The following MDN1 variants were observed in gnomAD, a reference collection of about 807,000 sequenced individuals.
The protein encoded by MDN1 is midasin.
A neutral mutation model predicts 669.2 loss-of-function variants in MDN1; 266 were observed. The observed-to-expected ratio is 0.40, with a 90% confidence interval of 0.36 to 0.44. MDN1 has a LOEUF of 0.44. Ranked by LOEUF, MDN1 falls within the 20% of genes least tolerant of loss-of-function variation. MDN1 has a pLI of 1.00. For missense variants in MDN1, 5,940 were observed against 6,754.0 expected, an observed-to-expected ratio of 0.88 and a Z score of 4.22; for synonymous variants, 2,385 against 2,457.1, an observed-to-expected ratio of 0.97 and a Z score of 0.87.
rs1584251769 is a variant in MDN1, at chr6:89,714,525, A to C, written c.7069+18T>G. The C allele has an allele frequency of 6.4e-7, 1 of 1,565,552 alleles. No homozygotes were observed. On this transcript the variant is annotated intron_variant, in intron 46 of 101. Coordinates refer to ENST00000369393, the MANE Select transcript of MDN1 (RefSeq NM_014611.3). ...GAAGACTAAAACTCTGCAAAGGCCCAAAAGTCAAGCACCTCACCTACAACA... is the reference window on the plus strand; with the variant it reads ...GAAGACTAAAACTCTGCAAAGGCCCCAAAGTCAAGCACCTCACCTACAACA...
chr6:89,677,843 C>A, intron 75 of MDN1, 147 bp from the exon 76 acceptor site: 1 of 993,270 alleles, frequency 1.0e-6, no homozygotes, highest in East Asian at 2.6e-5. Context: ...TGCACCCACA[C>A]CAACTGAAAC....
chr6:89,693,117 T>C lies in MDN1; in HGVS notation c.9913A>G (p.Asn3305Asp), dbSNP rs1335183431. 1 of 1,605,076 alleles carries C rather than the reference T, an allele frequency of 6.2e-7. No individual in the cohort carries two copies. Among genetic ancestry groups the C allele is most frequent in the African/African-American group, 1.3e-5 (1 of 74,500 alleles). Reference protein sequence around the residue: ...LLRQRMDRLDNLTCHLLKKQA... With the variant: ...LLRQRMDRLDDLTCHLLKKQA... ...TTCTTCAACAGGTGACAGGTTAAAT[T>C]ATCCAGCCGATCCATCCTTTGGCGA... Residue 3305 changes from asparagine to aspartate, a missense_variant, in exon 63 of 102, where the codon AAT (asparagine) becomes GAT (aspartate). Physicochemically the swap from Asn to Asp is conservative, Grantham distance 23. Coordinates refer to ENST00000369393, the MANE Select transcript of MDN1 (RefSeq NM_014611.3).
In MDN1 at chr6:89,676,211, GA is replaced by G. The variant is rs1334698792; in HGVS notation, c.12540-5del. 38 of 1,613,228 alleles carry G rather than the reference GA, an allele frequency of 2.4e-5. No individual in the cohort carries two copies. The highest frequency in any genetic ancestry group is 3.2e-5 in the Non-Finnish European group (38 of 1,179,254). On this transcript the variant is annotated splice_polypyrimidine_tract_variant and splice_region_variant and intron_variant, in intron 76 of 101. Transcript: ENST00000369393. Reference sequence around the variant, plus strand: ...AGACGAGATTTCTGTAAGCAGCCTGGAAAAGATATCAACATTGTTTACTTAA... The same window carrying G: ...AGACGAGATTTCTGTAAGCAGCCTGGAAAGATATCAACATTGTTTACTTAA...
At chr6:89,757,028 CT>C (rs1179648695) in intron 19 of MDN1, among the ~76,000 whole-genome samples, 6 of 152,036 alleles carry the variant, frequency 3.9e-5, no homozygotes. Flanking sequence ...AACAAGCCCC[CT>C]CATCATCAAA....
intron 64 of MDN1, among the ~76,000 whole-genome samples, 186 bp downstream of exon 64, chr6:89,690,487 G>GT (rs1346426953): frequency 6.6e-6 from 1 of 152,130 alleles, no homozygotes; most frequent in Admixed American, 6.5e-5. Context: ...GAGCCCAGGA[G>GT]TTTGAGGCTG....
chr6:89,693,473 A>C (rs1042379157), intron 62 of MDN1, among the ~76,000 whole-genome samples: 1 of 152,180 alleles, frequency 6.6e-6, no homozygotes, highest in Non-Finnish European at 1.5e-5. Flanking sequence ...TGATCTACCC[A>C]ATGTCTAAAA....
chr6:89,688,724 G>T lies in MDN1; in HGVS notation c.11108C>A (p.Ser3703Ter). Residue 3703 changes from serine (S) to a stop codon, truncating the protein, a stop_gained, in exon 66 of 102, where the codon TCA becomes TAA. Coordinates refer to ENST00000369393, the MANE Select transcript of MDN1 (RefSeq NM_014611.3). LOFTEE classifies it high-confidence loss of function. ...SHNTLFGEAP[S>*]DLMVKPDGPY... ...CCCATCAGGTTTCACCATCAGGTCT[G>T]AGGGTGCCTCCCCAAAAAGAGTGTT... 1 of 1,614,228 alleles carries T rather than the reference G, an allele frequency of 6.2e-7. No homozygotes were observed. Among genetic ancestry groups the T allele is most frequent in the Non-Finnish European group, 8.5e-7 (1 of 1,180,044 alleles).
chr6:89,819,220 G>A (rs555280620), intron 1 of MDN1, among the ~76,000 whole-genome samples: 101 of 152,308 alleles, frequency 6.6e-4, no homozygotes, highest in African/African-American at 2.3e-3. Context: ...ATTCCTTTGG[G>A]AAGGCCACCT....
chr6:89,726,602 G>A (rs968350773), intron 37 of MDN1, among the ~76,000 whole-genome samples: 59 of 151,864 alleles, frequency 3.9e-4, no homozygotes, highest in African/African-American at 1.3e-3. Context: ...AATCTCCAAC[G>A]GGTTTCAAAG....
At chr6:89,709,520 GC>G (rs1813741679) in intron 50 of MDN1, among the ~76,000 whole-genome samples, 1 of 152,212 alleles carries the variant, frequency 6.6e-6, no homozygotes, top group Non-Finnish European at 1.5e-5. Context: ...GGAAAGCCAT[GC>G]CTTAGTTCAG....
chr6:89,646,335 T>C (rs1808489268), intron 100 of MDN1, among the ~76,000 whole-genome samples: 1 of 152,210 alleles, frequency 6.6e-6, no homozygotes, highest in African/African-American at 2.4e-5. Context: ...CCCCCATTGA[T>C]TATAAGCCTC....
chr6:89,700,955 A>T (rs1477754499), intron 55 of MDN1, 99 bp from the exon 56 acceptor site: 3 of 1,021,318 alleles, frequency 2.9e-6, no homozygotes, highest in South Asian at 3.4e-5. Context: ...ATATATTCTT[A>T]ATGTTTCCAG....
At chr6:89,745,209 G>A in intron 29 of MDN1, 64 bp downstream of exon 29, 2 of 1,455,920 alleles carry the variant, frequency 1.4e-6, no homozygotes, top group Non-Finnish European at 1.9e-6. Flanking sequence ...GTTCTTCAGT[G>A]ATAACTCAAG....
intron 1 of MDN1, among the ~76,000 whole-genome samples, chr6:89,803,895 CTTTTTTTTT>C (rs56246331): frequency 3.9e-5 from 3 of 76,414 alleles, no homozygotes; most frequent in African/African-American, 5.3e-5. Context: ...CTTTTCTTTT[CTTTTTTTTT>C]TTTTTTTTTT....
At chr6:89,700,973 A>G (rs1562110784) in intron 55 of MDN1, 117 bp from the exon 56 acceptor site, 5 of 910,200 alleles carry the variant, frequency 5.5e-6, no homozygotes, top group Non-Finnish European at 6.6e-6. Flanking sequence ...CAGAAAACAA[A>G]GGACTTGTTT....
Position 89,718,350 on chromosome 6 carries a change from A to C in MDN1, c.6583+16T>G, listed in dbSNP as rs370289070. On this transcript the variant is annotated intron_variant, in intron 43 of 101. Transcript: ENST00000369393. ...GCAATGGTAAGTTCCTGATACAGAG[A>C]TCCAAATATACATACCTGCCTTGCA... is the stretch of plus-strand genomic sequence containing the variant. The C allele has an allele frequency of 5.6e-6, 9 of 1,609,652 alleles. No homozygotes were observed. Among genetic ancestry groups the C allele is most frequent in the Non-Finnish European group, 7.6e-6 (9 of 1,177,782 alleles).
At position 89,700,197 on chromosome 6, in the gene MDN1, G is replaced by A; in HGVS notation, c.8736C>T (p.Ser2912=). 1 of 1,614,180 alleles carries A rather than the reference G, an allele frequency of 6.2e-7. No individual in the cohort carries two copies. Among genetic ancestry groups the A allele is most frequent in the Non-Finnish European group, 8.5e-7 (1 of 1,180,034 alleles). ...CGGAGGTCAAGTCTGGATGGGACAG[G>A]GAGGAAGCTTCATCATGCTTTTTCT... ...FLEKKHDEAS[S]LSHPDLTSVI... The change falls in exon 57 of 102, where the codon TCC becomes TCT. Residue 2912 remains serine, a synonymous_variant. Transcript: ENST00000369393.
chr6:89,680,152 C>A (rs553044227), intron 74 of MDN1, among the ~76,000 whole-genome samples: 116 of 152,246 alleles, frequency 7.6e-4, no homozygotes, highest in African/African-American at 2.7e-3. Flanking sequence ...TCGCTCTCAC[C>A]TTCCCTGAGC....
chr6:89,754,524 G>T (rs917930902), intron 20 of MDN1, among the ~76,000 whole-genome samples: 3 of 152,202 alleles, frequency 2.0e-5, no homozygotes, highest in Non-Finnish European at 4.4e-5. Context: ...AAGCTTCTGT[G>T]TTCCAGAGTC....
Sources: gnomAD v4.1 joint callset for allele counts (sites outside exome capture counted in the v4.1 genomes callset) on GRCh38, gnomAD v4.1.1 for gene constraint, MANE v1.5 for transcripts, NCBI Gene and HGNC (gene_info 2026-07-23, HGNC 2026-07-21) for gene names.